Variants in MUSK observed in about 807,000 individuals in gnomAD.
MUSK encodes muscle, skeletal receptor tyrosine-protein kinase.
Under a neutral mutation model 88.7 loss-of-function variants are expected in MUSK, and 55 were observed. That is an observed-to-expected ratio of 0.62 (90% CI 0.50 to 0.78). The LOEUF is 0.78. MUSK is among the 30% of genes least tolerant of loss of function. MUSK has a pLI of 0.00. For synonymous variants in MUSK, 387 were observed against 391.9 expected, an observed-to-expected ratio of 0.99 and a Z score of 0.15; for missense variants, 1,015 against 1,074.3, an observed-to-expected ratio of 0.94 and a Z score of 0.77.
chr9:110,768,478 G>T (rs1467015724), intron 9 of MUSK, among the ~76,000 whole-genome samples: 3 of 152,118 alleles, frequency 2.0e-5, no homozygotes, highest in African/African-American at 7.2e-5. Flanking sequence ...CCTGAGTGTT[G>T]AGACTCTGTC....
At chr9:110,690,806 T>TTAAATATAAGTATATATATAAATATATA (rs1301602946) in intron 3 of MUSK, among the ~76,000 whole-genome samples, 2,204 of 110,870 alleles carry the variant, frequency 0.02, 88 homozygotes, top group Non-Finnish European at 0.03. Flanking sequence ...ATATATATAT[T>TTAAATATAAGTATATATATAAATATATA]TAAATATAAG....
intron 5 of MUSK, among the ~76,000 whole-genome samples, chr9:110,703,472 G>C (rs2076557046): frequency 6.6e-6 from 1 of 151,980 alleles, no homozygotes; most frequent in Non-Finnish European, 1.5e-5. Context: ...AGAGGTTGCA[G>C]TGAGCCAAGA....
In MUSK at chr9:110,715,069, C is replaced by T. The variant is rs185651947; in HGVS notation, c.628+17603C>T. Among the ~76,000 whole-genome samples, 4 of 149,806 alleles carry T rather than the reference C, an allele frequency of 2.7e-5. No homozygotes were observed. In the East Asian group the frequency reaches 7.8e-4, roughly 29 times the overall value. On this transcript the variant is annotated intron_variant, in intron 5 of 14. Coordinates refer to ENST00000374448, the MANE Select transcript of MUSK (RefSeq NM_005592.4). ...CTTAACATGATCAATATCTAGGATA[C>T]AGCCAGCTAAAGCAGATTGACGTTA...
intron 13 of MUSK, among the ~76,000 whole-genome samples, chr9:110,786,911 G>T (rs956606778): frequency 6.6e-5 from 10 of 152,252 alleles, no homozygotes; most frequent in African/African-American, 2.2e-4. Context: ...ACCCATGGTG[G>T]CCCTGGCGTA....
chr9:110,689,379 TA>T (rs1310695218), intron 3 of MUSK, among the ~76,000 whole-genome samples: 3 of 117,058 alleles, frequency 2.6e-5, no homozygotes, highest in East Asian at 2.4e-4. Context: ...TATATATATG[TA>T]AAAAATATAA....
chr9:110,676,343 C>CATATATTATATATTATATATTATATATT (rs1199946219), intron 1 of MUSK, among the ~76,000 whole-genome samples: 10,490 of 112,624 alleles, frequency 0.093, 650 homozygotes, highest in African/African-American at 0.13. Context: ...CATACACACA[C>CATATATTATATATTATATATTATATATT]ATATATTATA....
At chr9:110,782,339 A>T (rs914827677) in intron 11 of MUSK, among the ~76,000 whole-genome samples, 1 of 152,250 alleles carries the variant, frequency 6.6e-6, no homozygotes, top group South Asian at 2.1e-4. Context: ...AGAAGCAGTC[A>T]TCAAGGAATA....
intron 5 of MUSK, among the ~76,000 whole-genome samples, chr9:110,721,386 G>T (rs1390279960): frequency 6.6e-6 from 1 of 152,098 alleles, no homozygotes; most frequent in Non-Finnish European, 1.5e-5. Flanking sequence ...GATGAATTCA[G>T]CAAAGTTTCA....
intron 3 of MUSK, among the ~76,000 whole-genome samples, chr9:110,689,783 ATATATTTTTT>A (rs2076284158): frequency 5.2e-5 from 3 of 57,362 alleles, no homozygotes; most frequent in Non-Finnish European, 9.9e-5. Flanking sequence ...CATATAGTTT[ATATATTTTTT>A]AATATATAAT....
intron 5 of MUSK, among the ~76,000 whole-genome samples, chr9:110,716,404 G>A (rs1413065177): frequency 6.7e-6 from 1 of 149,882 alleles, no homozygotes; most frequent in Non-Finnish European, 1.5e-5. Flanking sequence ...GTAATAGAAA[G>A]CTCAGGAAAT....
chr9:110,785,504 G>A (rs914870256), intron 12 of MUSK, 23 bp from the exon 13 acceptor site: 1 of 1,564,942 alleles, frequency 6.4e-7, no homozygotes, highest in Middle Eastern at 1.7e-4. Flanking sequence ...GCTCATTCCT[G>A]ATCTTGCCTG....
At chr9:110,708,188 T>C (rs2076625791) in intron 5 of MUSK, among the ~76,000 whole-genome samples, 1 of 152,272 alleles carries the variant, frequency 6.6e-6, no homozygotes. Flanking sequence ...AAGATCAGCA[T>C]TGTCTTCAAA....
At chr9:110,669,870 A>G (rs2075935394) in intron 1 of MUSK, among the ~76,000 whole-genome samples, 1 of 152,224 alleles carries the variant, frequency 6.6e-6, no homozygotes, top group Admixed American at 6.5e-5. Context: ...GTTATACCAT[A>G]GAGTAAAAAG....
At chr9:110,673,543 T>C (rs2075988122) in intron 1 of MUSK, among the ~76,000 whole-genome samples, 2 of 152,206 alleles carry the variant, frequency 1.3e-5, no homozygotes, top group African/African-American at 2.4e-5. Context: ...CTGAATCTTA[T>C]GGGAAGGTGT....
At chr9:110,721,526 A>G (rs2076810760) in intron 5 of MUSK, among the ~76,000 whole-genome samples, 1 of 152,162 alleles carries the variant, frequency 6.6e-6, no homozygotes, top group South Asian at 2.1e-4. Context: ...TTAAGAATAT[A>G]TCTAACCAAG....
intron 3 of MUSK, among the ~76,000 whole-genome samples, chr9:110,690,192 ATATAAATATATATAAATATATATTTAAG>A (rs1348038702): frequency 1.1e-4 from 2 of 17,582 alleles, no homozygotes; most frequent in Non-Finnish European, 2.1e-4. Context: ...ATTTAAGTAT[ATATAAATATATATAAATATATATTTAAG>A]TATAAATATA....
In MUSK at chr9:110,801,733, T is replaced by C. The variant is rs2078100592; in HGVS notation, c.*745T>C. The C allele has an allele frequency of 6.6e-6, 1 of 152,214 alleles. No homozygotes were observed. The highest frequency in any genetic ancestry group is 2.4e-5 in the African/African-American group (1 of 41,458). The allele number at this position is 152,214 out of a possible 1,614,324, so 9.4% of individuals were successfully genotyped here. On this transcript the variant is annotated 3_prime_UTR_variant, in exon 15 of 15. Transcript: ENST00000374448. Reference sequence around the variant, plus strand: ...AGTTTTCTTGAAACAAGTTTTTGTATCTTACTGATTTACCTTTTCCTTTAA... The same window carrying C: ...AGTTTTCTTGAAACAAGTTTTTGTACCTTACTGATTTACCTTTTCCTTTAA...
chr9:110,716,354 T>C (rs1472063427), intron 5 of MUSK, among the ~76,000 whole-genome samples: 2 of 149,818 alleles, frequency 1.3e-5, no homozygotes, highest in Admixed American at 1.3e-4. Context: ...TCACAAATCA[T>C]CTTAAACATT....
chr9:110,780,971 G>A (rs1401977201), intron 11 of MUSK, among the ~76,000 whole-genome samples: 2 of 152,028 alleles, frequency 1.3e-5, no homozygotes, highest in African/African-American at 2.4e-5. Flanking sequence ...ATTCCACCTC[G>A]TAAAACACTC....
Sources: allele counts gnomAD v4.1 joint callset (sites outside exome capture counted in the v4.1 genomes callset), GRCh38; gene constraint gnomAD v4.1.1; transcripts MANE v1.5; gene names NCBI Gene and HGNC (gene_info 2026-07-23, HGNC 2026-07-21).